The following PCM1 variants were observed in gnomAD, a reference collection of about 807,000 sequenced individuals.
PCM1 encodes pericentriolar material 1.
In PCM1, 157 loss-of-function variants were observed where a neutral mutation model predicts 241.9. The ratio of observed to expected loss-of-function variants is 0.65; its 90% confidence interval spans 0.57 to 0.74. PCM1 has a LOEUF of 0.74. PCM1 is among the 30% of genes least tolerant of loss of function. The pLI, the probability that PCM1 is intolerant of heterozygous loss-of-function variation, is 0.00. For missense variants in PCM1, 3,478 were observed against 2,360.1 expected, an observed-to-expected ratio of 1.47 and a Z score of -9.81; for synonymous variants, 1,085 against 784.9, an observed-to-expected ratio of 1.38 and a Z score of -6.39.
intron 13 of PCM1, among the ~76,000 whole-genome samples, chr8:17,959,118 T>C (rs1411457578): frequency 5.3e-5 from 8 of 152,160 alleles, no homozygotes; most frequent in Non-Finnish European, 2.9e-5. Context: ...ATGCACCTAT[T>C]TTTAAAAAAA....
chr8:18,018,838 ATG>A (rs150553994), intron 36 of PCM1, among the ~76,000 whole-genome samples: 5,950 of 122,324 alleles, frequency 0.049, 335 homozygotes, highest in African/African-American at 0.12. Flanking sequence ...ATATATATAT[ATG>A]TGTGTGTGTG....
At chr8:17,970,547 TTCTA>T (rs371658143) in intron 22 of PCM1, among the ~76,000 whole-genome samples, 48 of 152,200 alleles carry the variant, frequency 3.2e-4, no homozygotes, top group Admixed American at 1.2e-3. Context: ...TTTTTGGTTG[TTCTA>T]TCTTTTTCCT....
intron 36 of PCM1, among the ~76,000 whole-genome samples, chr8:18,016,076 G>T (rs2093156831): frequency 6.6e-6 from 1 of 152,166 alleles, no homozygotes; most frequent in African/African-American, 2.4e-5. Context: ...TTTTAGTAGA[G>T]ACAGGGTTTC....
intron 2 of PCM1, chr8:17,925,445 C>G (rs1233413419): frequency 1.3e-5 from 2 of 152,104 alleles, no homozygotes; most frequent in Non-Finnish European, 2.9e-5. Flanking sequence ...TTGTTAAAAG[C>G]TTTTTAGAAA....
intron 6 of PCM1, among the ~76,000 whole-genome samples, chr8:17,944,530 C>T (rs370137139): frequency 8.6e-5 from 13 of 151,950 alleles, no homozygotes; most frequent in Admixed American, 2.6e-4. Flanking sequence ...GGTTTGATGC[C>T]TAAGTTATTT....
chr8:17,935,737 T>A, intron 3 of PCM1, 31 bp downstream of exon 3: 1 of 1,007,794 alleles, frequency 9.9e-7, no homozygotes, highest in South Asian at 1.3e-5. Flanking sequence ...TGGTGTGTTG[T>A]TGGCTATTAA....
intron 29 of PCM1, among the ~76,000 whole-genome samples, chr8:17,994,733 T>G (rs1179010323): frequency 6.8e-6 from 1 of 146,210 alleles, no homozygotes; most frequent in African/African-American, 2.8e-5. Flanking sequence ...AAGTGCCATT[T>G]TAACAGAGGT....
At chr8:17,972,726 T>C (rs773468488) in intron 23 of PCM1, 39 bp downstream of exon 23, 13 of 1,306,702 alleles carry the variant, frequency 9.9e-6, no homozygotes, top group South Asian at 1.7e-5. Flanking sequence ...TCAGTGTAAA[T>C]TTTGGTAATC....
intron 6 of PCM1, among the ~76,000 whole-genome samples, chr8:17,941,048 C>T (rs2061868901): frequency 6.6e-6 from 1 of 152,120 alleles, no homozygotes. Flanking sequence ...CCGGACCTTC[C>T]TAATTTGAAG....
At chr8:17,988,985 CA>C (rs944032241) in intron 26 of PCM1, among the ~76,000 whole-genome samples, 1 of 151,936 alleles carries the variant, frequency 6.6e-6, no homozygotes, top group African/African-American at 2.4e-5. Flanking sequence ...ATATGCATCA[CA>C]AAAACACTTG....
rs1220680132 is a variant in PCM1 at position 18,010,636 on chromosome 8, T to C, written c.5188T>C (p.Ser1730Pro). Reference protein sequence around the residue: ...EAKRILEDHGSPAGEIDDEDK... With the variant: ...EAKRILEDHGPPAGEIDDEDK... ...TAAAAGGATTCTTGAAGATCATGGC[T>C]CACCTGCTGGAGAGATTGATGATGA... The change falls in exon 32 of 39, where the codon TCA (serine) becomes CCA (proline). Residue 1730 changes from serine to proline, a missense_variant. Ser to Pro is a moderately conservative substitution (Grantham distance 74). Coordinates refer to ENST00000325083, the MANE Select transcript of PCM1 (RefSeq NM_006197.4). 1.9e-6 allele frequency: 3 copies of C among 1,604,530 alleles called. No homozygotes were observed. The highest frequency in any genetic ancestry group is 2.6e-6 in the Non-Finnish European group (3 of 1,175,864).
chr8:17,944,003 T>C (rs927200889), intron 6 of PCM1, among the ~76,000 whole-genome samples: 3 of 152,178 alleles, frequency 2.0e-5, no homozygotes, highest in Non-Finnish European at 4.4e-5. Flanking sequence ...TGACATCTTG[T>C]ATAAGATGTC....
Position 18,016,013 on chromosome 8 carries a change from C to G in PCM1, c.5841+1173C>G, listed in dbSNP as rs113136944. 8.1e-4 allele frequency among the ~76,000 whole-genome samples: 123 copies of G among 152,278 alleles called. 1 individual carries two copies. The highest frequency in any genetic ancestry group is 2.9e-3 in the African/African-American group (120 of 41,556). On this transcript the variant is annotated intron_variant, in intron 36 of 38. Coordinates refer to ENST00000325083, the MANE Select transcript of PCM1 (RefSeq NM_006197.4). ...AGGTGATTCTCCTGCCTCAGCCTCC[C>G]GAGTAGCTGGGATTACAGACGTGTG...
At chr8:17,961,941 A>T in intron 15 of PCM1, 93 bp from the exon 16 acceptor site, 1 of 1,047,852 alleles carries the variant, frequency 9.5e-7, no homozygotes, top group Non-Finnish European at 1.4e-6. Context: ...ATATGGCACT[A>T]GAGCCTTAGT....
chr8:17,989,493 A>G (rs2083748178), intron 26 of PCM1, among the ~76,000 whole-genome samples: 1 of 152,074 alleles, frequency 6.6e-6, no homozygotes, highest in Non-Finnish European at 1.5e-5. Flanking sequence ...ATGTGAGACA[A>G]CCAGGTAGAG....
intron 23 of PCM1, 142 bp downstream of exon 23, chr8:17,972,829 T>C: frequency 2.5e-6 from 1 of 398,056 alleles, no homozygotes. Context: ...TTTAGTTACC[T>C]TTATATATAT....
At chr8:17,976,585 G>A (rs2078848574) in intron 23 of PCM1, among the ~76,000 whole-genome samples, 1 of 152,176 alleles carries the variant, frequency 6.6e-6, no homozygotes, top group Admixed American at 6.5e-5. Context: ...AAGACAGCTT[G>A]CACTGTGATT....
intron 29 of PCM1, among the ~76,000 whole-genome samples, chr8:18,005,774 C>T (rs1397438751): frequency 1.3e-5 from 2 of 151,944 alleles, no homozygotes; most frequent in South Asian, 4.2e-4. Flanking sequence ...GTGTTACTGG[C>T]ATCTAGTGGG....
intron 27 of PCM1, 142 bp downstream of exon 27, chr8:17,990,121 A>G (rs1006077817): frequency 8.4e-6 from 5 of 598,540 alleles, no homozygotes; most frequent in African/African-American, 5.7e-5. Flanking sequence ...CTATCAGTCT[A>G]AAATCAAGAA....
Sources: gnomAD v4.1 joint callset for allele counts (sites outside exome capture counted in the v4.1 genomes callset) on GRCh38, gnomAD v4.1.1 for gene constraint, MANE v1.5 for transcripts, NCBI Gene and HGNC (gene_info 2026-07-23, HGNC 2026-07-21) for gene names.